FBXO42: variants seen among roughly 807,000 people sequenced by gnomAD.
The protein encoded by FBXO42 is F-box protein 42.
In FBXO42, 12 loss-of-function variants were observed where a neutral mutation model predicts 71.7. The observed-to-expected ratio is 0.17, with a 90% CI of 0.11 to 0.27. FBXO42 has a LOEUF of 0.27. Ranked by LOEUF, FBXO42 falls within the 10% of genes least tolerant of loss-of-function variation. The probability of loss-of-function intolerance (pLI) is 1.00; values close to 1 mark genes in which losing one functional copy is unlikely to be tolerated. For missense variants in FBXO42, 707 were observed against 911.9 expected, an observed-to-expected ratio of 0.78 and a Z score of 2.89; for synonymous variants, 325 against 327.5, an observed-to-expected ratio of 0.99 and a Z score of 0.08.
At chr1:16,311,454 C>T (rs1231264398) in intron 2 of FBXO42, among the ~76,000 whole-genome samples, 1 of 142,376 alleles carries the variant, frequency 7.0e-6, no homozygotes, top group Non-Finnish European at 1.5e-5. Context: ...TGCCACTGTG[C>T]TCCAACATGG....
At position 16,288,213 on chromosome 1, in the gene FBXO42, C is replaced by T. The variant is rs572007004; in HGVS notation, c.502+6570G>A. 7.2e-5 allele frequency among the ~76,000 whole-genome samples: 11 copies of T among 151,742 alleles called. No homozygotes were observed. The East Asian group carries it at 1.8e-3, about 24-fold the overall frequency. ...CCAGGAGGCCGAGGCAGACGGATCA[C>T]GAGGTCAAGAGATCGAGACCATTCT... On this transcript the variant is annotated intron_variant, in intron 4 of 9. Transcript: ENST00000375592.
intron 4 of FBXO42, among the ~76,000 whole-genome samples, chr1:16,260,488 T>C (rs1391478786): frequency 6.6e-6 from 1 of 152,020 alleles, no homozygotes; most frequent in African/African-American, 2.4e-5. Context: ...GGATTACAGG[T>C]GTGAGCCACC....
Position 16,252,186 on chromosome 1 carries a change from G to C in FBXO42, c.1038+102C>G. On this transcript the variant is annotated intron_variant, in intron 9 of 9. Transcript: ENST00000375592. This position sits in a 1 kb window ranked among gnomAD's most constrained non-coding sequence, Gnocchi z 4.4. The stretch of plus-strand genomic sequence containing the variant: ...TTCACCTCTTTTGTGACACCAAGGT[G>C]TTTTCTATTTTTGTACAAATTTCTT... 1 of 912,660 alleles carries C rather than the reference G, an allele frequency of 1.1e-6. No individual in the cohort carries two copies. The highest frequency in any genetic ancestry group is 1.8e-6 in the Non-Finnish European group (1 of 570,612). The allele number at this position is 912,660 out of a possible 1,614,324, so 56.5% of individuals were successfully genotyped here. A position where few individuals can be genotyped will look rare whatever the true frequency, so the allele number is the denominator to read the frequency against.
chr1:16,318,559 C>A (rs923664143), intron 1 of FBXO42, among the ~76,000 whole-genome samples: 1 of 152,118 alleles, frequency 6.6e-6, no homozygotes, highest in Admixed American at 6.6e-5. Context: ...CACATAGAGG[C>A]AGGCATCTCA....
At chr1:16,261,627 A>C (rs1339351328) in intron 4 of FBXO42, among the ~76,000 whole-genome samples, 2 of 152,152 alleles carry the variant, frequency 1.3e-5, no homozygotes. Context: ...TACAAGAACA[A>C]ATGAGGTGGC....
At chr1:16,313,362 A>C (rs1380058342) in intron 2 of FBXO42, among the ~76,000 whole-genome samples, 1 of 136,524 alleles carries the variant, frequency 7.3e-6, no homozygotes, top group Non-Finnish European at 1.7e-5. Context: ...GAAAGAAAGA[A>C]AGAAAGAAAG....
At chr1:16,309,344 T>C (rs943745255) in intron 2 of FBXO42, among the ~76,000 whole-genome samples, 9 of 151,842 alleles carry the variant, frequency 5.9e-5, no homozygotes, top group Non-Finnish European at 1.3e-4. Flanking sequence ...CCCAAAGTGC[T>C]GGGATTATAG....
intron 2 of FBXO42, among the ~76,000 whole-genome samples, chr1:16,309,050 C>A (rs1001072602): frequency 3.7e-5 from 5 of 135,222 alleles, no homozygotes; most frequent in African/African-American, 8.3e-5. Context: ...GCCGGGAGAC[C>A]CCATCTCTTT....
At chr1:16,258,363 C>CTT (rs5772663) in intron 4 of FBXO42, among the ~76,000 whole-genome samples, 1 of 146,580 alleles carries the variant, frequency 6.8e-6, no homozygotes, top group African/African-American at 2.5e-5. Context: ...TTTCTTCTTC[C>CTT]TTTTTTTTTT....
chr1:16,342,581 C>A (rs1207797080), intron 1 of FBXO42, among the ~76,000 whole-genome samples: 88 of 125,294 alleles, frequency 7.0e-4, no homozygotes, highest in African/African-American at 9.0e-4. Flanking sequence ...GATCCTGTCT[C>A]AAAAAAAAAA....
intron 1 of FBXO42, among the ~76,000 whole-genome samples, chr1:16,332,588 T>C (rs1301413445): frequency 6.6e-6 from 1 of 151,466 alleles, no homozygotes. Context: ...CACTCAGGGC[T>C]GGAGTGCAGT....
At chr1:16,280,624 T>C (rs1238850569) in intron 4 of FBXO42, among the ~76,000 whole-genome samples, 2 of 152,070 alleles carry the variant, frequency 1.3e-5, no homozygotes, top group Non-Finnish European at 2.9e-5. Flanking sequence ...CTCTGTTCTA[T>C]TCTAAAATAA....
Position 16,301,843 on chromosome 1 carries a change from A to G in FBXO42, c.367+3960T>C, listed in dbSNP as rs575976669. On this transcript the variant is annotated intron_variant, in intron 3 of 9. Coordinates refer to ENST00000375592, the MANE Select transcript of FBXO42 (RefSeq NM_018994.3). The stretch of plus-strand genomic sequence containing the variant: ...TAATTTTAAATAGAGATGTTGCCCA[A>G]ATTGGTCTCAAACACCTGGGCTCAA... 3.9e-5 allele frequency among the ~76,000 whole-genome samples: 6 copies of G among 152,150 alleles called. No individual in the cohort carries two copies. In the South Asian group the frequency reaches 1.0e-3, roughly 26 times the overall value.
rs60358251 is a variant in FBXO42, at chr1:16,350,573, CAAAAAAAAAAAAAA to C, written c.-18+1668_-18+1681del. On this transcript the variant is annotated intron_variant, in intron 1 of 9. Transcript: ENST00000375592. ...TGAAACCCCGTCTCTACTAAAATTA[CAAAAAAAAAAAAAA>C]AAAAAAAAAAATTAGCGGGCGTGGT... 9.0e-5 allele frequency among the ~76,000 whole-genome samples: 6 copies of C among 66,792 alleles called. No individual in the cohort carries two copies. In the South Asian group the frequency reaches 2.9e-3, roughly 32 times the overall value. 43.8% of individuals were successfully genotyped at this position (66,792 alleles called of 152,430 possible).
At chr1:16,267,309 G>C (rs12747885) in intron 4 of FBXO42, among the ~76,000 whole-genome samples, 41,524 of 152,028 alleles carry the variant, frequency 0.27, 6,564 homozygotes, top group Non-Finnish European at 0.37. Flanking sequence ...AAAGAAATAG[G>C]AAGTAAATAC....
rs776610773 is a variant in FBXO42, at chr1:16,251,291, A to G, written c.1533T>C (p.Ser511=). 1.2e-6 allele frequency: 2 copies of G among 1,614,056 alleles called. No individual in the cohort carries two copies. Among genetic ancestry groups the G allele is most frequent in the African/African-American group, 2.7e-5 (2 of 74,922 alleles). Residue 511 remains serine, a synonymous_variant, in exon 10 of 10, where the codon AGT becomes AGC. Coordinates refer to ENST00000375592, the MANE Select transcript of FBXO42 (RefSeq NM_018994.3). This position sits in a 1 kb window ranked among gnomAD's most constrained non-coding sequence, Gnocchi z 4.5. ...DLNWDLKPAS[S]SNPMDGMDNR... Reference sequence around the variant, plus strand: ...TGTCCATGCCATCCATGGGATTACTACTGGAAGCGGGTTTCAGATCCCAAT... The same window carrying G: ...TGTCCATGCCATCCATGGGATTACTGCTGGAAGCGGGTTTCAGATCCCAAT...
intron 3 of FBXO42, among the ~76,000 whole-genome samples, chr1:16,298,440 C>A (rs2082155289): frequency 1.3e-5 from 2 of 152,144 alleles, no homozygotes; most frequent in Non-Finnish European, 2.9e-5. Flanking sequence ...CAGGTTGGCT[C>A]AGTAAAAGCA....
At chr1:16,264,490 T>C (rs1569825612) in intron 4 of FBXO42, among the ~76,000 whole-genome samples, 2 of 152,214 alleles carry the variant, frequency 1.3e-5, no homozygotes, top group Admixed American at 1.3e-4. Flanking sequence ...CTAAGTGCCA[T>C]TACTGCACAA....
intron 4 of FBXO42, among the ~76,000 whole-genome samples, chr1:16,258,653 G>C (rs1266070505): frequency 6.6e-6 from 1 of 152,108 alleles, no homozygotes; most frequent in African/African-American, 2.4e-5. Flanking sequence ...CACTGTGCCT[G>C]TCCGTGTCAA....
Sources: allele counts gnomAD v4.1 joint callset (sites outside exome capture counted in the v4.1 genomes callset), GRCh38; gene constraint gnomAD v4.1.1; non-coding constraint Gnocchi (gnomAD v3.1); transcripts MANE v1.5; gene names NCBI Gene and HGNC (gene_info 2026-07-23, HGNC 2026-07-21).